SPECC1: variants seen among roughly 807,000 people sequenced by gnomAD.
The protein encoded by SPECC1 is sperm antigen with calponin homology and coiled-coil domains 1.
SPECC1 carries 62 observed loss-of-function variants against 104.1 expected under a neutral mutation model. The ratio of observed to expected loss-of-function variants is 0.60; its 90% CI spans 0.49 to 0.74. The LOEUF is 0.74. Among genes scored for constraint, SPECC1 ranks in the 30% least tolerant of loss-of-function variants. The pLI, the probability that SPECC1 is intolerant of heterozygous loss-of-function variation, is 0.00. For missense variants in SPECC1, 1,306 were observed against 1,310.5 expected (o/e 1.00, Z 0.05); for synonymous variants, 513 against 501.6 (o/e 1.02, Z -0.30).
In SPECC1 at chr17:20,228,245, T is replaced by G. The variant is rs891620349; in HGVS notation, c.2071+625T>G. On this transcript the variant is annotated intron_variant, in intron 5 of 14. Coordinates refer to ENST00000395527, the MANE Select transcript of SPECC1 (RefSeq NM_001243439.2). ...TCTTGCTCTATCACCCTGGCTGGAG[T>G]GCAGTGGTGCAGTTGTAGCTCACTG... Among the ~76,000 whole-genome samples the G allele has an allele frequency of 3.3e-5, 5 of 152,130 alleles. No individual in the cohort carries two copies. In the East Asian group the frequency reaches 9.6e-4, roughly 29 times the overall value.
intron 1 of SPECC1, chr17:20,087,156 C>T (rs1196837725): frequency 6.6e-6 from 1 of 152,188 alleles, no homozygotes; most frequent in Non-Finnish European, 1.5e-5. Flanking sequence ...TATTATGTTT[C>T]TGTGAAGATG....
intron 4 of SPECC1, among the ~76,000 whole-genome samples, chr17:20,222,488 A>G (rs536427770): frequency 2.4e-4 from 36 of 152,200 alleles, no homozygotes; most frequent in Middle Eastern, 3.2e-3. Flanking sequence ...TTTATAGTGC[A>G]GATTAAGTCT....
intron 3 of SPECC1, among the ~76,000 whole-genome samples, chr17:20,196,880 T>G (rs1415706847): frequency 6.6e-6 from 1 of 152,250 alleles, no homozygotes; most frequent in Non-Finnish European, 1.5e-5. Flanking sequence ...TTTTATTTTA[T>G]CAGTAATTTT....
chr17:20,094,280 C>T (rs2047542708), intron 1 of SPECC1, among the ~76,000 whole-genome samples: 1 of 152,108 alleles, frequency 6.6e-6, no homozygotes. Flanking sequence ...CAAACATGGG[C>T]CTGGACAGTG....
intron 3 of SPECC1, among the ~76,000 whole-genome samples, chr17:20,140,725 G>A (rs1161464992): frequency 6.6e-6 from 1 of 152,196 alleles, no homozygotes; most frequent in Non-Finnish European, 1.5e-5. Flanking sequence ...TAAACATGGG[G>A]TGCATTGGTT....
chr17:20,113,180 A>G (rs1246460553), intron 3 of SPECC1, among the ~76,000 whole-genome samples: 7 of 152,140 alleles, frequency 4.6e-5, no homozygotes, highest in Non-Finnish European at 1.0e-4. Flanking sequence ...TCTGATTTTT[A>G]ACAGAAAAGC....
Position 20,075,022 on chromosome 17 carries a change from C to A in SPECC1, c.-21-21609C>A, listed in dbSNP as rs183972726. On this transcript the variant is annotated intron_variant, in intron 1 of 14. Transcript: ENST00000395527. Reference sequence around the variant, plus strand: ...GGTTCAAGTGATTCTCCTGTCATAGCCTCCCGAGTAGCTGAGACTACAGGC... The same window carrying A: ...GGTTCAAGTGATTCTCCTGTCATAGACTCCCGAGTAGCTGAGACTACAGGC... 2.0e-5 allele frequency among the ~76,000 whole-genome samples: 3 copies of A among 152,182 alleles called. No homozygotes were observed. In the East Asian group the frequency reaches 5.8e-4, roughly 29 times the overall value.
chr17:20,272,064 A>T (rs1157800470), intron 12 of SPECC1, among the ~76,000 whole-genome samples: 1 of 150,978 alleles, frequency 6.6e-6, no homozygotes, highest in Non-Finnish European at 1.5e-5. Flanking sequence ...TTTCAGGGTG[A>T]TGTGCCTTGC....
At chr17:20,196,488 G>T (rs538314171) in intron 3 of SPECC1, among the ~76,000 whole-genome samples, 2 of 151,084 alleles carry the variant, frequency 1.3e-5, no homozygotes, top group Non-Finnish European at 1.5e-5. Context: ...ATTTTATGAC[G>T]CATTTAGGAG....
intron 1 of SPECC1, among the ~76,000 whole-genome samples, chr17:20,093,773 C>G (rs2047518741): frequency 6.7e-6 from 1 of 149,532 alleles, no homozygotes; most frequent in Admixed American, 6.7e-5. Context: ...CTCTGTCACC[C>G]AGGCTGGAGT....
At chr17:20,240,614 C>T (rs1293253446) in intron 7 of SPECC1, among the ~76,000 whole-genome samples, 2 of 152,060 alleles carry the variant, frequency 1.3e-5, no homozygotes, top group African/African-American at 2.4e-5. Context: ...CTTTTTCTCC[C>T]ACTGGGTAGC....
chr17:20,236,114 TGC>T (rs2038895708), intron 7 of SPECC1, among the ~76,000 whole-genome samples: 2 of 152,158 alleles, frequency 1.3e-5, no homozygotes, highest in South Asian at 4.1e-4. Context: ...CCAGCTGTCT[TGC>T]CACAGATGCT....
At chr17:20,019,689 A>G (rs1181237656) in intron 1 of SPECC1, among the ~76,000 whole-genome samples, 1 of 152,214 alleles carries the variant, frequency 6.6e-6, no homozygotes, top group African/African-American at 2.4e-5. Context: ...TAAAAAATCC[A>G]CACATGGTCT....
At chr17:20,287,244 C>T (rs188739202) in intron 12 of SPECC1, among the ~76,000 whole-genome samples, 7 of 152,054 alleles carry the variant, frequency 4.6e-5, no homozygotes, top group Admixed American at 6.5e-5. Flanking sequence ...GGTGAAACCC[C>T]GTCTCTACGA....
intron 3 of SPECC1, among the ~76,000 whole-genome samples, chr17:20,149,377 A>G (rs1222935299): frequency 6.6e-6 from 1 of 152,176 alleles, no homozygotes; most frequent in Non-Finnish European, 1.5e-5. Flanking sequence ...CCTAATTGGT[A>G]AGAGTGGCTC....
chr17:20,203,796 T>C (rs943101928), intron 3 of SPECC1, among the ~76,000 whole-genome samples: 1 of 152,226 alleles, frequency 6.6e-6, no homozygotes, highest in South Asian at 2.1e-4. Flanking sequence ...CAGCTCAAGG[T>C]GACTTATAGG....
chr17:20,026,207 A>G (rs531556033), intron 1 of SPECC1, among the ~76,000 whole-genome samples: 24 of 152,078 alleles, frequency 1.6e-4, no homozygotes, highest in Non-Finnish European at 3.2e-4. Context: ...TTGTTGACGT[A>G]ATAATTATAC....
At chr17:20,234,196 T>G (rs1226392661) in intron 7 of SPECC1, among the ~76,000 whole-genome samples, 1 of 152,192 alleles carries the variant, frequency 6.6e-6, no homozygotes, top group Non-Finnish European at 1.5e-5. Flanking sequence ...GTTTCTTTTT[T>G]GATTTTCCAG....
At position 20,146,853 on chromosome 17, in the gene SPECC1, C is replaced by G. The variant is rs181108711; in HGVS notation, c.283+36291C>G. On this transcript the variant is annotated intron_variant, in intron 3 of 14. Transcript: ENST00000395527. The stretch of plus-strand genomic sequence containing the variant: ...CCCAGGAGGTGGAAGTTGCAGTGAG[C>G]TGAGATTGCACCACTGCACTCCAGC... Among the ~76,000 whole-genome samples the G allele has an allele frequency of 2.1e-3, 317 of 152,196 alleles. 1 individual carries two copies. The highest frequency in any genetic ancestry group is 1.4e-3 in the Non-Finnish European group (92 of 68,018).
Sources: allele counts gnomAD v4.1 joint callset (sites outside exome capture counted in the v4.1 genomes callset), GRCh38; gene constraint gnomAD v4.1.1; transcripts MANE v1.5; gene names NCBI Gene and HGNC (gene_info 2026-07-23, HGNC 2026-07-21).